CDK10: variants seen among roughly 807,000 people sequenced by gnomAD.
The protein encoded by CDK10 is cyclin-dependent kinase 10.
A neutral mutation model predicts 51.0 loss-of-function variants in CDK10; 55 were observed. The ratio of observed to expected loss-of-function variants is 1.08; its 90% CI spans 0.87 to 1.35. The LOEUF (loss-of-function observed/expected upper bound fraction) is 1.35, where lower values mean the gene tolerates loss of function less well. CDK10 is among the 40% of genes most tolerant of loss of function. CDK10 has a pLI of 0.00. For synonymous variants in CDK10, 255 were observed against 199.1 expected, an observed-to-expected ratio of 1.28 and a Z score of -2.36; for missense variants, 589 against 485.1, an observed-to-expected ratio of 1.21 and a Z score of -2.01.
chr16:89,695,184 G>T, intron 11 of CDK10, 109 bp from the exon 12 acceptor site: 1 of 1,539,546 alleles, frequency 6.5e-7, no homozygotes, highest in Non-Finnish European at 8.8e-7. Context: ...CAGCCGCTCG[G>T]AGTGGCCACC....
intron 9 of CDK10, 99 bp downstream of exon 9, chr16:89,694,331 G>A (rs543555206): frequency 3.2e-6 from 4 of 1,251,472 alleles, no homozygotes; most frequent in Admixed American, 1.9e-5. Context: ...AGGGGCAGGA[G>A]TGCAGTGGGG....
chr16:89,692,121 G>T (rs1436753253), intron 5 of CDK10: 1 of 590,466 alleles, frequency 1.7e-6, no homozygotes, highest in Non-Finnish European at 3.0e-6. Flanking sequence ...CTGGGCTGTT[G>T]GGAGCAGGCA....
intron 12 of CDK10, 67 bp from the exon 13 acceptor site, chr16:89,695,528 C>G: frequency 2.6e-6 from 4 of 1,542,452 alleles, no homozygotes; most frequent in Non-Finnish European, 3.5e-6. Context: ...GAGCTGGACT[C>G]AGACCTGGGC....
At position 89,690,598 on chromosome 16, in the gene CDK10, A is replaced by C. The variant is rs2060400790; in HGVS notation, c.206A>C (p.Lys69Thr). 1 of 1,614,124 alleles carries C rather than the reference A, an allele frequency of 6.2e-7. No individual in the cohort carries two copies. Among genetic ancestry groups the C allele is most frequent in the Non-Finnish European group, 8.5e-7 (1 of 1,179,988 alleles). The change falls in exon 3 of 13, where the codon AAG becomes ACG. Residue 69 changes from lysine (K) to threonine (T), a missense_variant. Coordinates refer to ENST00000353379, the MANE Select transcript of CDK10 (RefSeq NM_052988.5). ...ACAGATGAGATTGTCGCACTGAAGA[A>C]GGTGCGGATGGACAAGGAGAAGGAT... ...TQTDEIVALK[K>T]VRMDKEKDGI...
intron 6 of CDK10, 95 bp downstream of exon 6, chr16:89,692,611 C>G: frequency 5.0e-6 from 4 of 799,570 alleles, no homozygotes; most frequent in Non-Finnish European, 7.7e-6. Flanking sequence ...GGGTTCCCAG[C>G]TGCAGCAGCC....
intron 5 of CDK10, 48 bp from the exon 6 acceptor site, chr16:89,692,401 G>T: frequency 7.0e-7 from 1 of 1,431,576 alleles, no homozygotes; most frequent in Non-Finnish European, 9.4e-7. Flanking sequence ...GCCCAGCTGG[G>T]CTTCCCTGCA....
chr16:89,694,802 G>C lies in CDK10; in HGVS notation c.792+14G>C, dbSNP rs1169833899. On this transcript the variant is annotated intron_variant, in intron 10 of 12. Coordinates refer to ENST00000353379, the MANE Select transcript of CDK10 (RefSeq NM_052988.5). ...AACATCTGGCCGGTGGGCGTCCTGG[G>C]CAGACCCGCAGCCCCCGCCCGTGCC... 2.6e-6 allele frequency: 4 copies of C among 1,554,508 alleles called. No individual in the cohort carries two copies. The highest frequency in any genetic ancestry group is 3.5e-6 in the Non-Finnish European group (4 of 1,152,018).
In CDK10 at chr16:89,695,409, T is replaced by C. The variant is rs571381984; in HGVS notation, c.985+64T>C. The C allele has an allele frequency of 7.8e-4, 1,205 of 1,551,792 alleles. 14 individuals carry two copies. The South Asian group carries it at 9.9e-3, about 13-fold the overall frequency. ...GGCTGGGAGCCCGTTTTGCCCGGGG[T>C]GGGTGGTGGAGAAGTGGCCTGCTGC... On this transcript the variant is annotated intron_variant, in intron 12 of 12. Coordinates refer to ENST00000353379, the MANE Select transcript of CDK10 (RefSeq NM_052988.5).
intron 2 of CDK10, chr16:89,689,528 G>C: frequency 1.7e-6 from 1 of 580,324 alleles, no homozygotes; most frequent in Non-Finnish European, 3.1e-6. Context: ...TAAGCATCCG[G>C]TTGCTAATGC....
Position 89,694,707 on chromosome 16 carries a change from T to C in CDK10, c.711T>C (p.Pro237=). ...TGGCCGAGCTGCTGGCGCACAGGCC[T>C]CTTCTCCCCGGCACTTCCGAGATCC... ...CILAELLAHR[P]LLPGTSEIHQ... is the part of the protein sequence containing the mutation. Residue 237 remains proline, a synonymous_variant, in exon 10 of 13, where the codon CCT becomes CCC. Transcript: ENST00000353379. 6.3e-7 allele frequency: 1 copy of C among 1,586,722 alleles called. No homozygotes were observed. The highest frequency in any genetic ancestry group is 2.3e-5 in the East Asian group (1 of 43,510).
rs199817238 is a variant in CDK10, at chr16:89,695,008, A to G, written c.870A>G (p.Pro290=). The G allele has an allele frequency of 2.2e-5, 35 of 1,613,188 alleles. No individual in the cohort carries two copies. The African/African-American group carries it at 2.8e-4, about 13-fold the overall frequency. ...ACAACAACCTGAAGCACAAGTTCCC[A>G]TGGCTGTCGGAGGCCGGGCTGCGCC... ...QPYNNLKHKF[P]WLSEAGLRLL... is the part of the protein sequence containing the mutation. The change falls in exon 11 of 13, where the codon CCA becomes CCG. Residue 290 remains proline, a synonymous_variant. Transcript: ENST00000353379.
intron 8 of CDK10, 86 bp from the exon 9 acceptor site, chr16:89,694,087 C>A: frequency 7.2e-7 from 1 of 1,390,800 alleles, no homozygotes; most frequent in Non-Finnish European, 1.0e-6. Context: ...CAGGCCACCA[C>A]AGGCTCTCGG....
In CDK10 at chr16:89,694,662, C is replaced by T. The variant is rs553877176; in HGVS notation, c.669-3C>T. The T allele has an allele frequency of 3.2e-6, 5 of 1,587,222 alleles. No homozygotes were observed. The African/African-American group carries it at 4.0e-5, about 13-fold the overall frequency. The stretch of plus-strand genomic sequence containing the variant: ...CCGCAGTGAGGTCCACTGTTCTCTG[C>T]AGGGCTGTGGGCTGCATACTGGCCG... On this transcript the variant is annotated splice_region_variant and splice_polypyrimidine_tract_variant and intron_variant, in intron 9 of 12. Transcript: ENST00000353379.
intron 2 of CDK10, chr16:89,690,293 A>G: frequency 1.9e-6 from 1 of 517,202 alleles, no homozygotes; most frequent in Non-Finnish European, 3.5e-6. Context: ...CTGGAGCCAC[A>G]GAACTGAGTG....
intron 1 of CDK10, 24 bp downstream of exon 1, chr16:89,686,821 G>C (rs1226473059): frequency 1.9e-5 from 30 of 1,584,100 alleles, no homozygotes; most frequent in South Asian, 2.2e-5. Context: ...CACCCGGGCA[G>C]CTCTGCCCGC....
At chr16:89,689,494 C>T in intron 2 of CDK10, 170 bp downstream of exon 2, 1 of 627,334 alleles carries the variant, frequency 1.6e-6, no homozygotes, top group Non-Finnish European at 2.9e-6. Context: ...TTATCACAAA[C>T]ATTGTACCAT....
Position 89,695,829 on chromosome 16 carries a change from T to G in CDK10, c.*137T>G. 2 of 1,531,908 alleles carry G rather than the reference T, an allele frequency of 1.3e-6. No individual in the cohort carries two copies. Among genetic ancestry groups the G allele is most frequent in the Non-Finnish European group, 1.8e-6 (2 of 1,138,762 alleles). 94.9% of individuals were successfully genotyped at this position (1,531,908 alleles called of 1,614,324 possible). ...TTGGCTGGGAACATCCTCCACTGAC[T>G]TCCTCCCACTGTCTGCCCTGAACCC... On this transcript the variant is annotated 3_prime_UTR_variant, in exon 13 of 13. Coordinates refer to ENST00000353379, the MANE Select transcript of CDK10 (RefSeq NM_052988.5).
rs1321364803 is a variant in CDK10, at chr16:89,690,426, A to G, written c.161-127A>G. On this transcript the variant is annotated intron_variant, in intron 2 of 12. Coordinates refer to ENST00000353379, the MANE Select transcript of CDK10 (RefSeq NM_052988.5). ...TTGCACAGAGTGGGGACTGAGTGTC[A>G]CTGGGCATGAGGTTGTCAGAGGAAA... The G allele has an allele frequency of 5.3e-6, 4 of 760,400 alleles. No homozygotes were observed. The African/African-American group carries it at 6.8e-5, about 13-fold the overall frequency. 47.1% of individuals were successfully genotyped at this position (760,400 alleles called of 1,614,324 possible).
At chr16:89,690,476 G>T in intron 2 of CDK10, 77 bp from the exon 3 acceptor site, 1 of 1,292,608 alleles carries the variant, frequency 7.7e-7, no homozygotes, top group South Asian at 1.2e-5. Flanking sequence ...GTGGCTCAGG[G>T]AGAGCCTCCC....
Sources: allele counts gnomAD v4.1 joint callset, GRCh38; gene constraint gnomAD v4.1.1; transcripts MANE v1.5; gene names NCBI Gene and HGNC (gene_info 2026-07-23, HGNC 2026-07-21).